CC2D2B: variants seen among roughly 807,000 people sequenced by gnomAD.
CC2D2B encodes the protein protein CC2D2B.
CC2D2B carries 128 observed loss-of-function variants against 161.2 expected under a neutral mutation model. The ratio of observed to expected loss-of-function variants is 0.79; its 90% CI spans 0.69 to 0.92. CC2D2B has a LOEUF of 0.92. Ranked by LOEUF, CC2D2B falls within the 40% of genes least tolerant of loss-of-function variation. The probability of loss-of-function intolerance (pLI) is 0.00; values close to 1 mark genes in which losing one functional copy is unlikely to be tolerated. For synonymous variants in CC2D2B, 391 were observed against 449.8 expected, an observed-to-expected ratio of 0.87 and a Z score of 1.65; for missense variants, 1,173 against 1,375.1, an observed-to-expected ratio of 0.85 and a Z score of 2.32.
rs1271452910 is a variant in CC2D2B, at chr10:96,019,314, G to A, written c.3742G>A (p.Asp1248Asn). 2 of 1,610,048 alleles carry A rather than the reference G, an allele frequency of 1.2e-6. No individual in the cohort carries two copies. The highest frequency in any genetic ancestry group is 2.7e-5 in the African/African-American group (2 of 74,626). ...FDPFCPLKSVDCLFDDRNVWF... is the reference protein window; with the variant it reads ...FDPFCPLKSVNCLFDDRNVWF... ...CCCGTTTTGTCCCTTAAAAAGTGTA[G>A]ATTGTTTGTTTGATGATAGAAATGT... is the stretch of plus-strand genomic sequence containing the variant. Residue 1248 changes from aspartate to asparagine, a missense_variant, in exon 31 of 35, where the codon GAT becomes AAT. Physicochemically the swap from Asp to Asn is conservative, Grantham distance 23 (BLOSUM62 1). This residue lies in a region of CC2D2B where 598 missense variants were observed against 693.2 expected (regional missense o/e 0.86). Coordinates refer to ENST00000646931, the MANE Select transcript of CC2D2B (RefSeq NM_001349008.3).
At chr10:95,952,123 T>C (rs2076421986) in intron 10 of CC2D2B, among the ~76,000 whole-genome samples, 2 of 152,224 alleles carry the variant, frequency 1.3e-5, no homozygotes, top group South Asian at 2.1e-4. Flanking sequence ...GTGAAATGTA[T>C]GGCTTTGCCT....
rs1327583421 is a variant in CC2D2B at position 95,938,782 on chromosome 10, A to C, written c.673-15A>C. ...AGCAAAATATTTAATTACTATACTT[A>C]AATATTTTTGATAGGGAAAATGTTG... On this transcript the variant is annotated splice_polypyrimidine_tract_variant and intron_variant, in intron 8 of 34. Transcript: ENST00000646931. The C allele has an allele frequency of 5.7e-6, 4 of 706,424 alleles. No individual in the cohort carries two copies. The African/African-American group carries it at 7.1e-5, about 12-fold the overall frequency. 43.8% of individuals were successfully genotyped at this position (706,424 alleles called of 1,614,324 possible).
intron 32 of CC2D2B, chr10:96,020,832 A>C (rs1481399826): frequency 3.3e-5 from 5 of 152,300 alleles, no homozygotes; most frequent in Non-Finnish European, 7.3e-5. Context: ...CAGGAGTTCG[A>C]GACCAGCCTG....
At chr10:96,024,726 T>C in intron 32 of CC2D2B, 127 bp from the exon 33 acceptor site, 1 of 520,928 alleles carries the variant, frequency 1.9e-6, no homozygotes, top group Non-Finnish European at 3.6e-6. Flanking sequence ...ATGTTACCTA[T>C]GGAATTGAGT....
intron 24 of CC2D2B, chr10:95,999,915 T>C (rs986519932): frequency 3.9e-6 from 2 of 517,356 alleles, no homozygotes; most frequent in Non-Finnish European, 3.7e-6. Context: ...CTTTTTCTGA[T>C]CATTTTCCTT....
chr10:95,927,434 T>G, intron 6 of CC2D2B, 102 bp downstream of exon 6: 1 of 661,780 alleles, frequency 1.5e-6, no homozygotes, highest in Non-Finnish European at 2.7e-6. Context: ...TAAAGTTTTA[T>G]TATTGTGCCT....
Position 96,019,813 on chromosome 10 carries a change from C to A in CC2D2B, c.3877C>A (p.Gln1293Lys). The change falls in exon 32 of 35, where the codon CAA becomes AAA. Residue 1293 changes from glutamine to lysine, a missense_variant. Gln to Lys is a moderately conservative substitution (Grantham distance 53, BLOSUM62 1). Coordinates refer to ENST00000646931, the MANE Select transcript of CC2D2B (RefSeq NM_001349008.3). ...LPKNVQGTKI[Q>K]SIQPEEIIYF... is the part of the protein sequence containing the mutation. Reference sequence around the variant, plus strand: ...AAAAAACGTTCAAGGAACAAAAATACAAAGCATACAGGTAAATCATATTTT... The same window carrying A: ...AAAAAACGTTCAAGGAACAAAAATAAAAAGCATACAGGTAAATCATATTTT... The A allele has an allele frequency of 6.2e-7, 1 of 1,604,106 alleles. No individual in the cohort carries two copies. The highest frequency in any genetic ancestry group is 8.5e-7 in the Non-Finnish European group (1 of 1,177,340).
At position 95,928,635 on chromosome 10, in the gene CC2D2B, C is replaced by T. The variant is rs189499249; in HGVS notation, c.336+1303C>T. ...ATGTGTTCTCATTGTTCAACTCCTACTTATGAGTGAGAACATGCGGTGTTT... is the reference window on the plus strand; with the variant it reads ...ATGTGTTCTCATTGTTCAACTCCTATTTATGAGTGAGAACATGCGGTGTTT... On this transcript the variant is annotated intron_variant, in intron 6 of 34. Transcript: ENST00000646931. 1.5e-3 allele frequency among the ~76,000 whole-genome samples: 221 copies of T among 152,274 alleles called. 2 individuals are homozygous for T. The highest frequency in any genetic ancestry group is 2.3e-3 in the Non-Finnish European group (159 of 68,024).
At chr10:96,020,907 T>C (rs1218800870) in intron 32 of CC2D2B, 1 of 152,134 alleles carries the variant, frequency 6.6e-6, no homozygotes, top group African/African-American at 2.4e-5. Context: ...ATGGTGATGA[T>C]GCGCAAGTGT....
intron 24 of CC2D2B, chr10:95,999,686 G>C (rs2078384514): frequency 5.6e-6 from 1 of 179,142 alleles, no homozygotes; most frequent in Admixed American, 6.1e-5. Context: ...ATATTTATTT[G>C]AGAGAGAGGA....
chr10:95,966,608 A>C (rs537446028), intron 14 of CC2D2B, among the ~76,000 whole-genome samples: 15 of 152,138 alleles, frequency 9.9e-5, no homozygotes, highest in African/African-American at 3.6e-4. Context: ...GCTAGTCTTC[A>C]TATATTGATA....
chr10:95,983,872 C>T, intron 19 of CC2D2B, 63 bp downstream of exon 19: 2 of 701,942 alleles, frequency 2.8e-6, no homozygotes, highest in Non-Finnish European at 4.0e-6. Context: ...GCTGCTTTAA[C>T]CCTATCTTAA....
intron 24 of CC2D2B, among the ~76,000 whole-genome samples, chr10:95,998,890 T>G (rs932958229): frequency 1.3e-5 from 2 of 151,338 alleles, no homozygotes; most frequent in African/African-American, 2.4e-5. Flanking sequence ...TCGAGGCGGG[T>G]GGATCACTAG....
intron 28 of CC2D2B, among the ~76,000 whole-genome samples, chr10:96,013,477 A>ATATTT (rs2079073857): frequency 7.0e-6 from 1 of 143,406 alleles, no homozygotes; most frequent in Non-Finnish European, 1.5e-5. Flanking sequence ...GTAATATTTA[A>ATATTT]AATTTTAGTA....
At chr10:95,957,971 A>C (rs2076630262) in intron 11 of CC2D2B, among the ~76,000 whole-genome samples, 1 of 151,964 alleles carries the variant, frequency 6.6e-6, no homozygotes, top group Admixed American at 6.6e-5. Context: ...TCCAGTTTTC[A>C]ACAACAAAAA....
intron 3 of CC2D2B, 147 bp downstream of exon 3, chr10:95,922,223 A>G: frequency 2.1e-6 from 1 of 475,924 alleles, no homozygotes; most frequent in Non-Finnish European, 3.8e-6. Flanking sequence ...TAAATAAAAC[A>G]AGATGGGCAT....
chr10:95,957,171 A>G (rs1388428406), intron 11 of CC2D2B, among the ~76,000 whole-genome samples: 1 of 152,126 alleles, frequency 6.6e-6, no homozygotes, highest in African/African-American at 2.4e-5. Flanking sequence ...CAGGAGCCCA[A>G]GGTAAGCAAA....
chr10:95,973,861 C>CA (rs576579109), intron 16 of CC2D2B, 148 bp from the exon 17 acceptor site: 16,445 of 232,940 alleles, frequency 0.071, 51 homozygotes, highest in East Asian at 0.098. Context: ...AACTCTGTCT[C>CA]AAAAAAAAAA....
At chr10:95,926,844 G>GTGTGTGTGTGTGTGTGTGTGTGTGTT (rs1251596633) in intron 5 of CC2D2B, among the ~76,000 whole-genome samples, 1 of 143,522 alleles carries the variant, frequency 7.0e-6, no homozygotes, top group Admixed American at 7.1e-5. Context: ...GTGTGTGTGT[G>GTGTGTGTGTGTGTGTGTGTGTGTGTT]TGTCTGTGTG....
Sources: gnomAD v4.1 joint callset for allele counts (sites outside exome capture counted in the v4.1 genomes callset) on GRCh38, gnomAD v4.1.1 for gene constraint, gnomAD v4.1.1 regional missense constraint, MANE v1.5 for transcripts, NCBI Gene and HGNC (gene_info 2026-07-23, HGNC 2026-07-21) for gene names.